The following TAFA4 variants were observed in gnomAD, a reference collection of about 807,000 sequenced individuals.
TAFA4 encodes the protein chemokine-like protein TAFA-4.
TAFA4 carries 20 observed loss-of-function variants against 21.1 expected under a neutral mutation model. That is an observed-to-expected ratio of 0.95 (90% confidence interval 0.67 to 1.38). The LOEUF is 1.38. Ranked by LOEUF, TAFA4 falls within the 40% of genes most tolerant of loss-of-function variation. The pLI, the probability that TAFA4 is intolerant of heterozygous loss-of-function variation, is 0.00. For synonymous variants in TAFA4, 71 were observed against 67.4 expected, an observed-to-expected ratio of 1.05 and a Z score of -0.26; for missense variants, 211 against 180.9, an observed-to-expected ratio of 1.17 and a Z score of -0.95.
At chr3:68,746,628 C>T (rs533891866) in intron 4 of TAFA4, among the ~76,000 whole-genome samples, 1 of 150,782 alleles carries the variant, frequency 6.6e-6, no homozygotes, top group Non-Finnish European at 1.5e-5. Flanking sequence ...ACCCAGCTAA[C>T]AGGCATAAGA....
intron 3 of TAFA4, among the ~76,000 whole-genome samples, chr3:68,780,899 T>TAAA (rs61272017): frequency 6.8e-6 from 1 of 146,428 alleles, no homozygotes; most frequent in African/African-American, 2.5e-5. Flanking sequence ...TTCTAGGACA[T>TAAA]AAAAAAAAAA....
chr3:68,743,432 T>C (rs9841811), intron 4 of TAFA4, among the ~76,000 whole-genome samples: 100,755 of 151,752 alleles, frequency 0.66, 34,012 homozygotes, highest in East Asian at 0.98. Context: ...GAACATTCAC[T>C]GGGCATGGTG....
At chr3:68,820,129 T>C (rs370678434) in intron 3 of TAFA4, among the ~76,000 whole-genome samples, 63 of 152,284 alleles carry the variant, frequency 4.1e-4, no homozygotes, top group African/African-American at 1.5e-3. Flanking sequence ...TCATGTCATT[T>C]GGAATAACAC....
intron 4 of TAFA4, among the ~76,000 whole-genome samples, chr3:68,750,611 C>T (rs1702542579): frequency 1.3e-5 from 2 of 152,028 alleles, no homozygotes; most frequent in Non-Finnish European, 2.9e-5. Context: ...AGGGGATTTG[C>T]CCATACATAC....
chr3:68,900,239 C>G (rs1559557734), intron 1 of TAFA4, among the ~76,000 whole-genome samples: 1 of 114,660 alleles, frequency 8.7e-6, no homozygotes, highest in Non-Finnish European at 1.8e-5. Flanking sequence ...GAGACTCTCT[C>G]TTAATAATAA....
chr3:68,882,675 A>T (rs2089631657), intron 2 of TAFA4, among the ~76,000 whole-genome samples: 1 of 152,258 alleles, frequency 6.6e-6, no homozygotes, highest in Admixed American at 6.5e-5. Flanking sequence ...TTACATTAAC[A>T]AAAAATAAAT....
chr3:68,886,037 C>A (rs1424017008), intron 1 of TAFA4, among the ~76,000 whole-genome samples: 1 of 152,094 alleles, frequency 6.6e-6, no homozygotes, highest in Non-Finnish European at 1.5e-5. Flanking sequence ...TTAAATACAT[C>A]CCTCCCAGTG....
chr3:68,743,711 C>A (rs1334329376), intron 4 of TAFA4, among the ~76,000 whole-genome samples: 1 of 152,120 alleles, frequency 6.6e-6, no homozygotes, highest in African/African-American at 2.4e-5. Flanking sequence ...ATTGTCCCAA[C>A]AACCTTCAGA....
At chr3:68,894,905 A>G (rs1270984008) in intron 1 of TAFA4, among the ~76,000 whole-genome samples, 3 of 152,190 alleles carry the variant, frequency 2.0e-5, no homozygotes, top group Non-Finnish European at 4.4e-5. Flanking sequence ...CCCAGCCTGG[A>G]GTGCAATGGC....
chr3:68,781,667 G>T (rs1703156405), intron 3 of TAFA4, among the ~76,000 whole-genome samples: 1 of 151,954 alleles, frequency 6.6e-6, no homozygotes, highest in African/African-American at 2.4e-5. Flanking sequence ...CTTCATTGCT[G>T]AATTTTTCCT....
chr3:68,781,579 AAT>A (rs1168881235), intron 3 of TAFA4, among the ~76,000 whole-genome samples: 1 of 152,132 alleles, frequency 6.6e-6, no homozygotes, highest in Admixed American at 6.5e-5. Flanking sequence ...AGATACTGAC[AAT>A]ATGAGTATCT....
intron 4 of TAFA4, among the ~76,000 whole-genome samples, chr3:68,750,897 A>G (rs1575594763): frequency 6.6e-6 from 1 of 152,056 alleles, no homozygotes; most frequent in South Asian, 2.1e-4. Context: ...GGGCCAGCCA[A>G]TGGGGAAAGA....
intron 5 of TAFA4, 57 bp downstream of exon 5, chr3:68,739,018 G>GAGAAAGCCCCACAGTTGATAACTTGT (rs1702294986): frequency 6.3e-7 from 1 of 1,598,294 alleles, no homozygotes; most frequent in Non-Finnish European, 8.5e-7. Flanking sequence ...AAATCAAGGG[G>GAGAAAGCCCCACAGTTGATAACTTGT]AGAAAGCCCC....
At chr3:68,890,367 C>T (rs527273517) in intron 1 of TAFA4, among the ~76,000 whole-genome samples, 1 of 152,204 alleles carries the variant, frequency 6.6e-6, no homozygotes, top group Non-Finnish European at 1.5e-5. Context: ...TACTTAAAAG[C>T]CTTCAGTTTA....
rs115075945 is a variant in TAFA4, at chr3:68,772,444, G to T, written c.131-19426C>A. Among the ~76,000 whole-genome samples, 826 of 152,208 alleles carry T rather than the reference G, an allele frequency of 5.4e-3. 4 individuals carry two copies. The highest frequency in any genetic ancestry group is 0.019 in the African/African-American group (789 of 41,532). Reference sequence around the variant, plus strand: ...ATCCAATTAGCTGGAGGCCCAGATAGAACAAAAAGGCAAAAGAAAGGTGAA... The same window carrying T: ...ATCCAATTAGCTGGAGGCCCAGATATAACAAAAAGGCAAAAGAAAGGTGAA... On this transcript the variant is annotated intron_variant, in intron 3 of 5. Transcript: ENST00000295569.
intron 3 of TAFA4, among the ~76,000 whole-genome samples, chr3:68,795,918 G>A (rs925983546): frequency 6.6e-6 from 1 of 152,168 alleles, no homozygotes; most frequent in African/African-American, 2.4e-5. Context: ...TGCATTATGG[G>A]GCACCCCAAG....
chr3:68,865,260 A>G (rs116028576), intron 3 of TAFA4, among the ~76,000 whole-genome samples: 3,164 of 150,292 alleles, frequency 0.021, 47 homozygotes, highest in Middle Eastern at 0.055. Context: ...CCCACAATTT[A>G]TTTTTTTTTT....
intron 1 of TAFA4, among the ~76,000 whole-genome samples, chr3:68,894,819 G>A (rs202237511): frequency 6.6e-6 from 1 of 152,130 alleles, no homozygotes; most frequent in East Asian, 1.9e-4. Flanking sequence ...ATGGAAAGGA[G>A]TAAAAGAAGT....
At chr3:68,894,380 G>A (rs559287931) in intron 1 of TAFA4, among the ~76,000 whole-genome samples, 55 of 152,214 alleles carry the variant, frequency 3.6e-4, no homozygotes, top group African/African-American at 1.3e-3. Flanking sequence ...GGCTGGTCTC[G>A]AACTCCTGGG....
Sources: gnomAD v4.1 joint callset for allele counts (sites outside exome capture counted in the v4.1 genomes callset) on GRCh38, gnomAD v4.1.1 for gene constraint, MANE v1.5 for transcripts, NCBI Gene and HGNC (gene_info 2026-07-23, HGNC 2026-07-21) for gene names.